LRRK1: variants seen among roughly 807,000 people sequenced by gnomAD.
LRRK1 encodes leucine-rich repeat serine/threonine-protein kinase 1.
A neutral mutation model predicts 209.1 loss-of-function variants in LRRK1; 113 were observed. The observed-to-expected ratio is 0.54, with a 90% confidence interval of 0.46 to 0.63. The LOEUF is 0.63. LRRK1 is among the 30% of genes least tolerant of loss of function. The pLI is 0.00. For synonymous variants in LRRK1, 1,144 were observed against 1,099.7 expected (o/e 1.04, Z -0.80); for missense variants, 2,284 against 2,632.2 (o/e 0.87, Z 2.89).
chr15:101,051,612 T>A, intron 23 of LRRK1, 99 bp from the exon 24 acceptor site: 1 of 1,470,362 alleles, frequency 6.8e-7, no homozygotes, highest in Non-Finnish European at 9.2e-7. Flanking sequence ...GCAGCTCCCC[T>A]GCTGCGAAGG....
chr15:100,950,868 C>T (rs2042631740), intron 2 of LRRK1, among the ~76,000 whole-genome samples: 1 of 152,226 alleles, frequency 6.6e-6, no homozygotes, highest in African/African-American at 2.4e-5. Flanking sequence ...CTTTGGGAGG[C>T]CAAGGCGGGC....
chr15:100,948,946 T>TAA (rs982508237), intron 2 of LRRK1, among the ~76,000 whole-genome samples: 9 of 151,976 alleles, frequency 5.9e-5, no homozygotes, highest in Non-Finnish European at 1.3e-4. Context: ...ATCAATAACC[T>TAA]AAACTTCCAC....
At chr15:100,931,586 G>A (rs1474580265) in intron 2 of LRRK1, among the ~76,000 whole-genome samples, 1 of 152,158 alleles carries the variant, frequency 6.6e-6, no homozygotes, top group Non-Finnish European at 1.5e-5. Context: ...GTCACAGGTG[G>A]CCCACACCTG....
At chr15:101,019,401 A>G (rs886377906) in intron 12 of LRRK1, among the ~76,000 whole-genome samples, 1 of 152,198 alleles carries the variant, frequency 6.6e-6, no homozygotes, top group Non-Finnish European at 1.5e-5. Context: ...AGCTTTTTGA[A>G]CATTTCCTTA....
chr15:100,938,829 T>C (rs573059163), intron 2 of LRRK1, among the ~76,000 whole-genome samples: 14 of 152,276 alleles, frequency 9.2e-5, no homozygotes, highest in African/African-American at 3.1e-4. Flanking sequence ...TGGTGGCTCA[T>C]GCCTGTAATC....
intron 29 of LRRK1, among the ~76,000 whole-genome samples, chr15:101,058,617 C>CGGT (rs1555479974): frequency 1.3e-5 from 1 of 75,366 alleles, no homozygotes; most frequent in East Asian, 3.7e-4. Context: ...GAAGGGGCAA[C>CGGT]GGGGGGGGGC....
intron 6 of LRRK1, among the ~76,000 whole-genome samples, chr15:100,998,612 G>C (rs1278265992): frequency 7.1e-6 from 1 of 140,094 alleles, no homozygotes; most frequent in Non-Finnish European, 1.6e-5. Flanking sequence ...ATAGATAGGT[G>C]GGTAGGTAGA....
intron 1 of LRRK1, among the ~76,000 whole-genome samples, chr15:100,921,178 C>T (rs1200572050): frequency 6.6e-6 from 1 of 152,216 alleles, no homozygotes; most frequent in African/African-American, 2.4e-5. Flanking sequence ...GCTGTGCCCT[C>T]ATTCCCATAA....
intron 29 of LRRK1, among the ~76,000 whole-genome samples, chr15:101,059,619 G>GGAAA (rs2036037765): frequency 6.6e-6 from 1 of 150,796 alleles, no homozygotes; most frequent in African/African-American, 2.4e-5. Flanking sequence ...GAGCTAAAGG[G>GGAAA]GAAAGAGATG....
intron 30 of LRRK1, 122 bp downstream of exon 30, chr15:101,061,410 C>G: frequency 1.5e-6 from 1 of 667,468 alleles, no homozygotes; most frequent in South Asian, 1.8e-5. Context: ...AGATAACCCC[C>G]AGCGCATCCC....
At chr15:100,996,677 G>A (rs2032428678) in intron 6 of LRRK1, among the ~76,000 whole-genome samples, 6 of 152,328 alleles carry the variant, frequency 3.9e-5, no homozygotes, top group Middle Eastern at 6.8e-3. Context: ...CATAGAACTC[G>A]AAAATGGGTA....
At chr15:100,993,161 CTAAT>C (rs200899763) in intron 6 of LRRK1, among the ~76,000 whole-genome samples, 2,355 of 152,266 alleles carry the variant, frequency 0.015, 30 homozygotes, top group South Asian at 0.027. Context: ...TTGTGACATC[CTAAT>C]AGCAAAGCCT....
intron 21 of LRRK1, among the ~76,000 whole-genome samples, chr15:101,048,076 T>G (rs180738325): frequency 4.6e-5 from 7 of 150,868 alleles, no homozygotes; most frequent in African/African-American, 1.7e-4. Context: ...GCTTCAGCTG[T>G]TTTTCACAAA....
rs1169332520 is a variant in LRRK1, at chr15:101,027,737, G to T, written c.2626G>T (p.Glu876Ter). The T allele has an allele frequency of 6.2e-7, 1 of 1,609,400 alleles. No homozygotes were observed. The highest frequency in any genetic ancestry group is 1.7e-5 in the Admixed American group (1 of 59,268). The stretch of plus-strand genomic sequence containing the variant: ...GCAGTACCTGACGGACAGGCAGCTG[G>T]AGCAGCTGGTGGAGCAGACGCCCGA... ...DVQYLTDRQL[E>*]QLVEQTPDND... The change falls in exon 19 of 34, where the codon GAG (glutamate) becomes TAG (stop). Residue 876 changes from glutamate to a stop codon, truncating the protein, a stop_gained. Coordinates refer to ENST00000388948, the MANE Select transcript of LRRK1 (RefSeq NM_024652.6). LOFTEE classifies it high-confidence loss of function. The surrounding 1 kb of genome is among the most constrained non-coding windows in gnomAD (Gnocchi z 5.1).
rs777166627 is a variant in LRRK1, at chr15:101,025,956, C to T, written c.2233-9C>T. Reference sequence around the variant, plus strand: ...AGACAGTACTCAGCCGTGGGGTTCTCTGTTGCAGGCCAAGGCCCCAAACGC... The same window carrying T: ...AGACAGTACTCAGCCGTGGGGTTCTTTGTTGCAGGCCAAGGCCCCAAACGC... On this transcript the variant is annotated splice_polypyrimidine_tract_variant and intron_variant, in intron 16 of 33. Transcript: ENST00000388948. 2.5e-5 allele frequency: 40 copies of T among 1,613,958 alleles called. No individual in the cohort carries two copies. The highest frequency in any genetic ancestry group is 5.0e-5 in the Admixed American group (3 of 60,012).
At chr15:101,034,896 T>C (rs960881563) in intron 20 of LRRK1, among the ~76,000 whole-genome samples, 3 of 152,120 alleles carry the variant, frequency 2.0e-5, no homozygotes, top group Non-Finnish European at 4.4e-5. Context: ...TTCTTCATAG[T>C]AGTCTCTGAT....
chr15:101,077,884 C>G lies in LRRK1; in HGVS notation c.*9036C>G, dbSNP rs1015741410. 1 of 152,224 alleles carries G rather than the reference C, an allele frequency of 6.6e-6. No individual in the cohort carries two copies. The highest frequency in any genetic ancestry group is 2.4e-5 in the African/African-American group (1 of 41,434). 9.4% of individuals were successfully genotyped at this position (152,224 alleles called of 1,614,324 possible). A position where few individuals can be genotyped will look rare whatever the true frequency, so the allele number is the denominator to read the frequency against. ...GCTAAGCCATCGCATCCCCTGTGAC[C>G]TGCACGCATATATAAGCCCAGATGG... On this transcript the variant is annotated 3_prime_UTR_variant, in exon 34 of 34. Coordinates refer to ENST00000388948, the MANE Select transcript of LRRK1 (RefSeq NM_024652.6).
chr15:101,002,962 C>T (rs935472041), intron 6 of LRRK1, among the ~76,000 whole-genome samples: 9 of 152,166 alleles, frequency 5.9e-5, no homozygotes, highest in Non-Finnish European at 1.0e-4. Flanking sequence ...GAGCTCCTGG[C>T]TTCAAGTGAT....
At chr15:100,942,178 C>T (rs771581676) in intron 2 of LRRK1, among the ~76,000 whole-genome samples, 1 of 152,192 alleles carries the variant, frequency 6.6e-6, no homozygotes, top group Non-Finnish European at 1.5e-5. Flanking sequence ...GCAGGAAATA[C>T]TGAGTGAGAA....
Sources: allele counts gnomAD v4.1 joint callset (sites outside exome capture counted in the v4.1 genomes callset), GRCh38; gene constraint gnomAD v4.1.1; non-coding constraint Gnocchi (gnomAD v3.1); transcripts MANE v1.5; gene names NCBI Gene and HGNC (gene_info 2026-07-23, HGNC 2026-07-21).